The following EIF2AK4 variants were observed in gnomAD, a reference collection of about 807,000 sequenced individuals.
The protein encoded by EIF2AK4 is eukaryotic translation initiation factor 2 alpha kinase 4.
A neutral mutation model predicts 211.1 loss-of-function variants in EIF2AK4; 139 were observed. The ratio of observed to expected loss-of-function variants is 0.66; its 90% confidence interval spans 0.57 to 0.76. EIF2AK4 has a LOEUF of 0.76. Among genes scored for constraint, EIF2AK4 ranks in the 30% least tolerant of loss-of-function variants. The probability of loss-of-function intolerance (pLI) is 0.00; values close to 1 mark genes in which losing one functional copy is unlikely to be tolerated. For missense variants in EIF2AK4, 1,664 were observed against 2,043.8 expected, an observed-to-expected ratio of 0.81 and a Z score of 3.58; for synonymous variants, 710 against 751.3, an observed-to-expected ratio of 0.94 and a Z score of 0.90.
At chr15:39,940,788 C>T (rs2034134690) in intron 2 of EIF2AK4, among the ~76,000 whole-genome samples, 2 of 151,936 alleles carry the variant, frequency 1.3e-5, no homozygotes, top group African/African-American at 4.8e-5. Context: ...TTAGCAAAGA[C>T]CCCACAGATT....
At chr15:39,987,857 G>A in intron 14 of EIF2AK4, 126 bp from the exon 15 acceptor site, 1 of 1,075,470 alleles carries the variant, frequency 9.3e-7, no homozygotes, top group South Asian at 2.3e-5. Context: ...AGAAAACCAA[G>A]TCTTTCCCCT....
intron 31 of EIF2AK4, chr15:40,022,126 T>G (rs1034656361): frequency 1.8e-5 from 3 of 169,304 alleles, no homozygotes; most frequent in African/African-American, 7.2e-5. Context: ...CAGTTCTGCT[T>G]TTCACCTTCC....
chr15:39,998,519 A>G (rs1595419219), intron 19 of EIF2AK4, among the ~76,000 whole-genome samples: 2 of 152,256 alleles, frequency 1.3e-5, no homozygotes, highest in East Asian at 3.9e-4. Flanking sequence ...GTGAAGAGTG[A>G]GGTTTGGGTG....
chr15:39,979,252 A>T lies in EIF2AK4; in HGVS notation c.2319+1105A>T, dbSNP rs1318349215. Among the ~76,000 whole-genome samples, 4 of 152,214 alleles carry T rather than the reference A, an allele frequency of 2.6e-5. 1 individual carries two copies. The highest frequency in any genetic ancestry group is 5.9e-5 in the Non-Finnish European group (4 of 68,014). On this transcript the variant is annotated intron_variant, in intron 13 of 38. Coordinates refer to ENST00000263791, the MANE Select transcript of EIF2AK4 (RefSeq NM_001013703.4). ...CATGGTGAAAAGAAAGCTTTGATTA[A>T]TGCGTAGCCTAAGGGGGAAAAGACT...
chr15:40,015,204 C>T (rs923073986), intron 27 of EIF2AK4, among the ~76,000 whole-genome samples: 1 of 152,222 alleles, frequency 6.6e-6, no homozygotes, highest in African/African-American at 2.4e-5. Flanking sequence ...TCCAAAGTCA[C>T]TTCCACATTT....
chr15:40,034,572 G>C, intron 38 of EIF2AK4, 128 bp downstream of exon 38: 3 of 703,786 alleles, frequency 4.3e-6, no homozygotes, highest in Non-Finnish European at 7.5e-6. Context: ...AATTGCAGCT[G>C]ACAACCAATA....
At chr15:40,023,346 T>C in intron 32 of EIF2AK4, among the ~76,000 whole-genome samples, 1 of 152,372 alleles carries the variant, frequency 6.6e-6, no homozygotes, top group Non-Finnish European at 1.5e-5. Context: ...TTTTCTCTTC[T>C]AATTTTTTTT....
chr15:39,980,223 G>A (rs1418267227), intron 13 of EIF2AK4, among the ~76,000 whole-genome samples: 3 of 152,078 alleles, frequency 2.0e-5, no homozygotes, highest in African/African-American at 7.2e-5. Context: ...ATAGACGTAC[G>A]CTTACCCTTT....
chr15:39,980,456 A>G (rs2034765623), intron 13 of EIF2AK4, among the ~76,000 whole-genome samples: 1 of 152,250 alleles, frequency 6.6e-6, no homozygotes, highest in Non-Finnish European at 1.5e-5. Context: ...TCCAGATGTC[A>G]ATTGTGAATA....
chr15:39,973,114 TTA>T, intron 10 of EIF2AK4, 100 bp downstream of exon 10: 4 of 938,888 alleles, frequency 4.3e-6, no homozygotes, highest in Non-Finnish European at 6.7e-6. Flanking sequence ...ATGTGTTATT[TTA>T]TGTCTTTTAT....
intron 3 of EIF2AK4, among the ~76,000 whole-genome samples, chr15:39,945,142 A>ATT (rs773618945): frequency 1.4e-5 from 2 of 145,448 alleles, no homozygotes; most frequent in Admixed American, 6.8e-5. Flanking sequence ...TGTGATTTAA[A>ATT]TTTTTTTTTT....
intron 32 of EIF2AK4, among the ~76,000 whole-genome samples, chr15:40,025,314 C>T (rs16970197): frequency 0.12 from 18,165 of 151,976 alleles, 2,061 homozygotes; most frequent in East Asian, 0.4. Flanking sequence ...GGGGAGGCCC[C>T]GAATGTTTTG....
chr15:39,990,969 G>A (rs920303216), intron 16 of EIF2AK4, among the ~76,000 whole-genome samples: 5 of 152,340 alleles, frequency 3.3e-5, no homozygotes, highest in East Asian at 3.9e-4. Context: ...GGTCGAAACT[G>A]TGAGGTGCAG....
intron 17 of EIF2AK4, 149 bp downstream of exon 17, chr15:39,992,378 T>G (rs1391561856): frequency 1.7e-6 from 1 of 587,708 alleles, no homozygotes; most frequent in Non-Finnish European, 2.8e-6. Context: ...CGTTTTAATC[T>G]TTTTTTCCTT....
intron 31 of EIF2AK4, chr15:40,021,897 C>T (rs1395435143): frequency 1.3e-5 from 2 of 152,462 alleles, no homozygotes; most frequent in African/African-American, 2.4e-5. Context: ...GCTGTTTACT[C>T]GTGTGTGTGT....
intron 7 of EIF2AK4, among the ~76,000 whole-genome samples, chr15:39,964,658 T>C (rs1555416134): frequency 6.6e-6 from 1 of 152,092 alleles, no homozygotes; most frequent in South Asian, 2.1e-4. Flanking sequence ...ATAAAACAAG[T>C]GGTGATTTTT....
intron 16 of EIF2AK4, among the ~76,000 whole-genome samples, chr15:39,990,595 A>G (rs2034930428): frequency 6.6e-6 from 1 of 152,174 alleles, no homozygotes; most frequent in Admixed American, 6.5e-5. Flanking sequence ...ACACAAAATT[A>G]TTGGCTTGGG....
chr15:40,014,767 G>T (rs1438698370), intron 27 of EIF2AK4, among the ~76,000 whole-genome samples: 1 of 152,072 alleles, frequency 6.6e-6, no homozygotes, highest in East Asian at 1.9e-4. Flanking sequence ...CAGAGAATGG[G>T]GTTTTCTTTC....
intron 14 of EIF2AK4, among the ~76,000 whole-genome samples, chr15:39,987,404 A>G (rs145516285): frequency 6.6e-5 from 10 of 152,354 alleles, no homozygotes; most frequent in South Asian, 2.1e-4. Context: ...TGAAGCATAT[A>G]GGCTAGTTTC....
Sources: allele counts gnomAD v4.1 joint callset (sites outside exome capture counted in the v4.1 genomes callset), GRCh38; gene constraint gnomAD v4.1.1; transcripts MANE v1.5; gene names NCBI Gene and HGNC (gene_info 2026-07-23, HGNC 2026-07-21).